ACOX3: variants seen among roughly 807,000 people sequenced by gnomAD.
ACOX3 encodes the protein acyl-CoA oxidase 3, pristanoyl, also known as peroxisomal acyl-coenzyme A oxidase 3.
A neutral mutation model predicts 81.5 loss-of-function variants in ACOX3; 73 were observed. That is an observed-to-expected ratio of 0.90 (90% CI 0.74 to 1.09). The LOEUF is 1.09. Ranked by LOEUF, ACOX3 falls within the 50% of genes least tolerant of loss-of-function variation. The pLI, the probability that ACOX3 is intolerant of heterozygous loss-of-function variation, is 0.00. For synonymous variants in ACOX3, 387 were observed against 375.1 expected (o/e 1.03, Z -0.37); for missense variants, 947 against 928.0 (o/e 1.02, Z -0.27).
In ACOX3 at chr4:8,416,432, G is replaced by A; in HGVS notation, c.90C>T (p.Phe30=). 6.2e-7 allele frequency: 1 copy of A among 1,614,212 alleles called. No homozygotes were observed. The highest frequency in any genetic ancestry group is 8.5e-7 in the Non-Finnish European group (1 of 1,180,038). The part of the protein sequence containing the change: ...PLDAYRARAS[F]SWKELALFTE... ...TGAACAGCGCCAGCTCCTTCCAGCTGAAGGACGCTCTTGCTCGGTAGGCAT... is the reference window on the plus strand; with the variant it reads ...TGAACAGCGCCAGCTCCTTCCAGCTAAAGGACGCTCTTGCTCGGTAGGCAT... The change falls in exon 2 of 18, where the codon TTC becomes TTT. Residue 30 remains phenylalanine (F), a synonymous_variant. Coordinates refer to ENST00000356406, the MANE Select transcript of ACOX3 (RefSeq NM_003501.3). The surrounding 1 kb of genome is among the most constrained non-coding windows in gnomAD (Gnocchi z 4.2).
Position 8,381,928 on chromosome 4 carries a change from C to T in ACOX3, c.1538-321G>A, listed in dbSNP as rs1717706630. On this transcript the variant is annotated intron_variant, in intron 13 of 17. Transcript: ENST00000356406. This position sits in a 1 kb window ranked among gnomAD's most constrained non-coding sequence, Gnocchi z 4.3. ...TGGGCCCCCGAGTGGGACGGCTGCA[C>T]GTTCTCGCACGCACCAGGCTCGGTC... Among the ~76,000 whole-genome samples, 1 of 152,274 alleles carries T rather than the reference C, an allele frequency of 6.6e-6. No individual in the cohort carries two copies. The highest frequency in any genetic ancestry group is 2.1e-4 in the South Asian group (1 of 4,838).
rs143339213 is a variant in ACOX3 at position 8,402,458 on chromosome 4, T to G, written c.777-2806A>C. On this transcript the variant is annotated intron_variant, in intron 7 of 17. Transcript: ENST00000356406. Reference sequence around the variant, plus strand: ...GCCCCAGCGTGCTCCAGCCTGTTACTTGAAAGCCAAGGAATGCCTTTTCCA... The same window carrying G: ...GCCCCAGCGTGCTCCAGCCTGTTACGTGAAAGCCAAGGAATGCCTTTTCCA... Among the ~76,000 whole-genome samples, 6 of 152,330 alleles carry G rather than the reference T, an allele frequency of 3.9e-5. No homozygotes were observed. The East Asian group carries it at 9.6e-4, about 24-fold the overall frequency.
chr4:8,389,545 G>T lies in ACOX3; in HGVS notation c.1423+67C>A. On this transcript the variant is annotated intron_variant, in intron 12 of 17. Transcript: ENST00000356406. This position sits in a 1 kb window ranked among gnomAD's most constrained non-coding sequence, Gnocchi z 5.3. ...TTCACAGAACAGCTGAATCAGTGAG[G>T]CCAGGAGAACCCACCCCTGCCCCAG... is the stretch of plus-strand genomic sequence containing the variant. The T allele has an allele frequency of 1.2e-6, 2 of 1,606,772 alleles. No individual in the cohort carries two copies. The highest frequency in any genetic ancestry group is 2.2e-5 in the East Asian group (1 of 44,806).
chr4:8,364,127 T>C (rs1026260288), downstream of ACOX3, among the ~76,000 whole-genome samples: 1 of 152,176 alleles, frequency 6.6e-6, no homozygotes, highest in Non-Finnish European at 1.5e-5. The surrounding 1 kb of genome is among the most constrained non-coding windows in gnomAD (Gnocchi z 5.0). Flanking sequence ...GTAACACACC[T>C]ATACCTAGAA....
chr4:8,405,525 G>A lies in ACOX3; in HGVS notation c.776+430C>T, dbSNP rs568635711. 2.6e-5 allele frequency among the ~76,000 whole-genome samples: 4 copies of A among 152,354 alleles called. No individual in the cohort carries two copies. The highest frequency in any genetic ancestry group is 1.9e-4 in the East Asian group (1 of 5,186). ...AAGTGCTGTGACACTGGGATTACCC[G>A]GAAAGGAGCAAGCCTACTCTGGAGG... On this transcript the variant is annotated intron_variant, in intron 7 of 17. Coordinates refer to ENST00000356406, the MANE Select transcript of ACOX3 (RefSeq NM_003501.3). This position sits in a 1 kb window ranked among gnomAD's most constrained non-coding sequence, Gnocchi z 7.1.
downstream of ACOX3, among the ~76,000 whole-genome samples, chr4:8,362,246 G>C (rs918699793): frequency 1.3e-5 from 2 of 152,184 alleles, no homozygotes; most frequent in Non-Finnish European, 2.9e-5. Context: ...AGCAAAACAG[G>C]AGTTAACTAA....
At position 8,399,816 on chromosome 4, in the gene ACOX3, C is replaced by G. The variant is rs1229631279; in HGVS notation, c.777-164G>C. 1.3e-5 allele frequency among the ~76,000 whole-genome samples: 2 copies of G among 152,186 alleles called. No individual in the cohort carries two copies. The highest frequency in any genetic ancestry group is 4.8e-5 in the African/African-American group (2 of 41,448). On this transcript the variant is annotated intron_variant, in intron 7 of 17. Coordinates refer to ENST00000356406, the MANE Select transcript of ACOX3 (RefSeq NM_003501.3). The surrounding 1 kb of genome is among the most constrained non-coding windows in gnomAD (Gnocchi z 4.9). ...CCAACTTTCTATTCAAAAAAGTAGTCTAGTCAGGAACAGTGGCTCACGCCC... is the reference window on the plus strand; with the variant it reads ...CCAACTTTCTATTCAAAAAAGTAGTGTAGTCAGGAACAGTGGCTCACGCCC...
chr4:8,360,638 A>T, the ACOX3 span, among the ~76,000 whole-genome samples: 6 of 152,002 alleles, frequency 3.9e-5, no homozygotes, highest in African/African-American at 1.4e-4. Flanking sequence ...CGCCTGGCTA[A>T]TTTTTTTGTA....
chr4:8,375,242 G>A lies in ACOX3; in HGVS notation c.1654-90C>T, dbSNP rs928141296. 1.5e-5 allele frequency: 20 copies of A among 1,292,490 alleles called. No individual in the cohort carries two copies. The East Asian group carries it at 2.8e-4, about 18-fold the overall frequency. 80.1% of individuals were successfully genotyped at this position (1,292,490 alleles called of 1,614,324 possible). A position where few individuals can be genotyped will look rare whatever the true frequency, so the allele number is the denominator to read the frequency against. Reference sequence around the variant, plus strand: ...GGAAGTTCTCAGGAAACACGAACGCGGGTCTGCGTTCCCGTGCATGTCCTA... The same window carrying A: ...GGAAGTTCTCAGGAAACACGAACGCAGGTCTGCGTTCCCGTGCATGTCCTA... On this transcript the variant is annotated intron_variant, in intron 14 of 17. Transcript: ENST00000356406.
chr4:8,379,831 G>C (rs1467753705), intron 14 of ACOX3, among the ~76,000 whole-genome samples: 1 of 152,186 alleles, frequency 6.6e-6, no homozygotes, highest in Admixed American at 6.5e-5. Context: ...TGTTGCCCGT[G>C]CTGGAGTGCA....
At chr4:8,380,329 A>G (rs1717479413) in intron 14 of ACOX3, among the ~76,000 whole-genome samples, 1 of 151,970 alleles carries the variant, frequency 6.6e-6, no homozygotes, top group Non-Finnish European at 1.5e-5. Flanking sequence ...AGCTGGGACT[A>G]CAGGCGCATG....
intron 16 of ACOX3, among the ~76,000 whole-genome samples, chr4:8,371,868 C>T (rs560777138): frequency 1.2e-4 from 19 of 152,366 alleles, no homozygotes; most frequent in African/African-American, 4.3e-4. Context: ...TTGCGGGCCA[C>T]GGTCTCTGGC....
In ACOX3 at chr4:8,405,593, G is replaced by A. The variant is rs1011329157; in HGVS notation, c.776+362C>T. ...GGTCCCTCGAGATCAGCATGGATGT[G>A]TGCAGAGGCCGAGCCGGGGGAGGCT... On this transcript the variant is annotated intron_variant, in intron 7 of 17. Coordinates refer to ENST00000356406, the MANE Select transcript of ACOX3 (RefSeq NM_003501.3). The surrounding 1 kb of genome is among the most constrained non-coding windows in gnomAD (Gnocchi z 7.1). Among the ~76,000 whole-genome samples, 1 of 152,256 alleles carries A rather than the reference G, an allele frequency of 6.6e-6. No homozygotes were observed. The highest frequency in any genetic ancestry group is 2.4e-5 in the African/African-American group (1 of 41,464).
chr4:8,382,140 G>T lies in ACOX3; in HGVS notation c.1538-533C>A, dbSNP rs1020759978. 4.6e-5 allele frequency among the ~76,000 whole-genome samples: 7 copies of T among 152,186 alleles called. No individual in the cohort carries two copies. The highest frequency in any genetic ancestry group is 5.9e-5 in the Non-Finnish European group (4 of 68,014). On this transcript the variant is annotated intron_variant, in intron 13 of 17. Transcript: ENST00000356406. The surrounding 1 kb of genome is among the most constrained non-coding windows in gnomAD (Gnocchi z 4.1). ...GGGACTGACATGGTGGGGGAGGGGG[G>T]AACCTAAGGCCTCACCCCCTGCGTG...
Position 8,407,214 on chromosome 4 carries a change from G to C in ACOX3, c.688-1171C>G, listed in dbSNP as rs947420811. On this transcript the variant is annotated intron_variant, in intron 6 of 17. Coordinates refer to ENST00000356406, the MANE Select transcript of ACOX3 (RefSeq NM_003501.3). The surrounding 1 kb of genome is among the most constrained non-coding windows in gnomAD (Gnocchi z 4.6). ...TATGGCCTGGTTTTTCCTAGGTTAT[G>C]ATTATAGAGCGAGGATTATTATAAT... Among the ~76,000 whole-genome samples the C allele has an allele frequency of 2.0e-5, 3 of 152,196 alleles. No individual in the cohort carries two copies. The highest frequency in any genetic ancestry group is 4.4e-5 in the Non-Finnish European group (3 of 68,032).
At chr4:8,395,112 C>T (rs1719546102) in intron 9 of ACOX3, among the ~76,000 whole-genome samples, 1 of 152,194 alleles carries the variant, frequency 6.6e-6, no homozygotes, top group Non-Finnish European at 1.5e-5. Context: ...ACAGCATGAG[C>T]CTGTGAGGAT....
chr4:8,362,482 T>C (rs1273355933), downstream of ACOX3, among the ~76,000 whole-genome samples: 4 of 152,260 alleles, frequency 2.6e-5, no homozygotes, highest in African/African-American at 4.8e-5. Flanking sequence ...AATGGCAATA[T>C]AGTTATTTGC....
rs1269872366 is a variant in ACOX3 at position 8,400,111 on chromosome 4, A to G, written c.777-459T>C. Among the ~76,000 whole-genome samples the G allele has an allele frequency of 6.6e-6, 1 of 151,884 alleles. No homozygotes were observed. Among genetic ancestry groups the G allele is most frequent in the Non-Finnish European group, 1.5e-5 (1 of 67,966 alleles). On this transcript the variant is annotated intron_variant, in intron 7 of 17. Coordinates refer to ENST00000356406, the MANE Select transcript of ACOX3 (RefSeq NM_003501.3). This position sits in a 1 kb window ranked among gnomAD's most constrained non-coding sequence, Gnocchi z 4.4. ...AAAATACAAAAAAAAATTAGCCAGG[A>G]GTGGTGGCATGTGCCTGTAGTCCCA...
In ACOX3 at chr4:8,415,993, T is replaced by C. The variant is rs1446979487; in HGVS notation, c.151A>G (p.Ile51Val). ...GEGMLRFKKTIFSALENDPLF... is the reference protein window; with the variant it reads ...GEGMLRFKKTVFSALENDPLF... ...GGGTCATTCTCAAGAGCTGAGAAGATGGTTTTCTGGAAATGCAGGAGATGG... is the reference window on the plus strand; with the variant it reads ...GGGTCATTCTCAAGAGCTGAGAAGACGGTTTTCTGGAAATGCAGGAGATGG... Residue 51 changes from isoleucine to valine, a missense_variant, in exon 3 of 18, where the codon ATC (isoleucine) becomes GTC (valine). Physicochemically the swap from Ile to Val is conservative, Grantham distance 29 (BLOSUM62 3). Coordinates refer to ENST00000356406, the MANE Select transcript of ACOX3 (RefSeq NM_003501.3). 2.4e-5 allele frequency: 39 copies of C among 1,613,754 alleles called. No homozygotes were observed. Among genetic ancestry groups the C allele is most frequent in the Non-Finnish European group, 3.2e-5 (38 of 1,179,850 alleles).
Sources: gnomAD v4.1 joint callset for allele counts (sites outside exome capture counted in the v4.1 genomes callset) on GRCh38, gnomAD v4.1.1 for gene constraint, Gnocchi (gnomAD v3.1) non-coding constraint, MANE v1.5 for transcripts, NCBI Gene and HGNC (gene_info 2026-07-23, HGNC 2026-07-21) for gene names.